Variants in ACTR3C observed in about 807,000 individuals in gnomAD.
ACTR3C encodes the protein actin related protein 3C.
Under a neutral mutation model 26.3 loss-of-function variants are expected in ACTR3C, and 18 were observed. That is an observed-to-expected ratio of 0.68 (90% CI 0.47 to 1.01). The LOEUF is 1.01. Among genes scored for constraint, ACTR3C ranks in the 50% least tolerant of loss-of-function variants. ACTR3C has a pLI of 0.00. For synonymous variants in ACTR3C, 55 were observed against 94.5 expected (o/e 0.58, Z 2.42); for missense variants, 184 against 250.7 (o/e 0.73, Z 1.80).
At chr7:149,908,079 C>T in the ACTR3C span, among the ~76,000 whole-genome samples, 1 of 151,742 alleles carries the variant, frequency 6.6e-6, no homozygotes, top group Non-Finnish European at 1.5e-5. Flanking sequence ...GCCTTATCAG[C>T]AGAGAAAGAG....
chr7:150,197,630 A>T, the ACTR3C span, among the ~76,000 whole-genome samples: 1 of 152,198 alleles, frequency 6.6e-6, no homozygotes, highest in Non-Finnish European at 1.5e-5. Flanking sequence ...TCCCAAGTTT[A>T]AATCTCCTAG....
intron 6 of ACTR3C, among the ~76,000 whole-genome samples, chr7:150,265,855 G>A (rs1372288719): frequency 4.6e-5 from 7 of 151,994 alleles, no homozygotes; most frequent in South Asian, 2.1e-4. Context: ...ATCTAGGAGC[G>A]GGGAGCATCT....
At chr7:150,161,668 A>G in the ACTR3C span, among the ~76,000 whole-genome samples, 10 of 152,328 alleles carry the variant, frequency 6.6e-5, no homozygotes, top group African/African-American at 2.4e-4. Context: ...ATTACTGGGT[A>G]TATACCCAAA....
the ACTR3C span, among the ~76,000 whole-genome samples, chr7:150,113,245 C>CAA: frequency 3.3e-3 from 407 of 122,530 alleles, 2 homozygotes; most frequent in African/African-American, 7.0e-3. Flanking sequence ...TTTCTGAGGG[C>CAA]AAAAAAAAAA....
the ACTR3C span, among the ~76,000 whole-genome samples, chr7:149,946,711 T>C: frequency 6.6e-6 from 1 of 152,216 alleles, no homozygotes; most frequent in Non-Finnish European, 1.5e-5. Flanking sequence ...GAAGGTGAAA[T>C]GTCCAAATGG....
At chr7:150,036,336 AC>A in the ACTR3C span, among the ~76,000 whole-genome samples, 7 of 147,544 alleles carry the variant, frequency 4.7e-5, no homozygotes, top group Non-Finnish European at 1.1e-4. Flanking sequence ...TCCTTTAGCA[AC>A]CCTGTCTAGT....
At chr7:149,974,558 A>G in the ACTR3C span, among the ~76,000 whole-genome samples, 1 of 152,124 alleles carries the variant, frequency 6.6e-6, no homozygotes, top group Non-Finnish European at 1.5e-5. Flanking sequence ...ACACCACGCC[A>G]CCACCACCTC....
chr7:149,943,505 T>C, the ACTR3C span, among the ~76,000 whole-genome samples: 3,086 of 149,116 alleles, frequency 0.021, 108 homozygotes, highest in African/African-American at 0.075. Context: ...GGCGGGCAGA[T>C]CGCCTGAGAT....
the ACTR3C span, among the ~76,000 whole-genome samples, chr7:150,214,653 GGC>G: frequency 2.6e-5 from 4 of 152,154 alleles, no homozygotes; most frequent in Admixed American, 1.3e-4. Context: ...ACAAGATAAT[GGC>G]CACCAAATTC....
At chr7:150,051,765 T>A in the ACTR3C span, among the ~76,000 whole-genome samples, 1 of 150,552 alleles carries the variant, frequency 6.6e-6, no homozygotes, top group Non-Finnish European at 1.5e-5. Context: ...ATATAAGTCA[T>A]TGGGATTAGG....
intron 6 of ACTR3C, among the ~76,000 whole-genome samples, chr7:150,249,390 A>G (rs1259622671): frequency 3.9e-5 from 6 of 152,228 alleles, no homozygotes; most frequent in Admixed American, 1.3e-4. Flanking sequence ...AATTTGTTGC[A>G]TAACAAACCT....
chr7:150,190,000 A>AT, the ACTR3C span, among the ~76,000 whole-genome samples: 1 of 151,852 alleles, frequency 6.6e-6, no homozygotes, highest in Non-Finnish European at 1.5e-5. Flanking sequence ...GAGATGAAAC[A>AT]TTTTGCATTA....
At chr7:150,030,652 C>T in the ACTR3C span, among the ~76,000 whole-genome samples, 1 of 152,176 alleles carries the variant, frequency 6.6e-6, no homozygotes, top group African/African-American at 2.4e-5. Flanking sequence ...GGTGACCTTG[C>T]CCTTCTACAT....
chr7:150,035,505 C>A, the ACTR3C span, among the ~76,000 whole-genome samples: 4 of 120,724 alleles, frequency 3.3e-5, 1 homozygote, highest in African/African-American at 6.3e-5. Context: ...GAGGGGATAG[C>A]TCTCAGTCCC....
chr7:150,240,721 GA>G (rs1832132961), downstream of ACTR3C, among the ~76,000 whole-genome samples: 1 of 152,082 alleles, frequency 6.6e-6, no homozygotes, highest in South Asian at 2.1e-4. Context: ...TCCTAGCCAG[GA>G]CACTAAAGCA....
the ACTR3C span, among the ~76,000 whole-genome samples, chr7:149,914,071 G>A: frequency 6.6e-6 from 1 of 151,048 alleles, no homozygotes; most frequent in Non-Finnish European, 1.5e-5. Context: ...TTATTTTTTT[G>A]TAGAGAGGGG....
the ACTR3C span, among the ~76,000 whole-genome samples, chr7:150,183,149 A>G: frequency 6.6e-6 from 1 of 150,910 alleles, no homozygotes; most frequent in South Asian, 2.1e-4. Context: ...GGAAAGCTCC[A>G]TTTAATTTAC....
chr7:150,075,953 A>G, the ACTR3C span, among the ~76,000 whole-genome samples: 1 of 152,216 alleles, frequency 6.6e-6, no homozygotes, highest in Admixed American at 6.5e-5. Context: ...CTTAGCAAAG[A>G]GTCACACAAT....
the ACTR3C span, among the ~76,000 whole-genome samples, chr7:150,162,826 A>T: frequency 2.0e-5 from 3 of 152,178 alleles, no homozygotes; most frequent in Non-Finnish European, 4.4e-5. Flanking sequence ...TTGATGAATG[A>T]CGGTACCACG....
Sources: gnomAD v4.1 joint callset for allele counts (sites outside exome capture counted in the v4.1 genomes callset) on GRCh38, gnomAD v4.1.1 for gene constraint, MANE v1.5 for transcripts, NCBI Gene and HGNC (gene_info 2026-07-23, HGNC 2026-07-21) for gene names.